The following UTRN variants were observed in gnomAD, a reference collection of about 807,000 sequenced individuals.
UTRN encodes the protein utrophin, also known as dystrophin-related protein 1.
In UTRN, 283 loss-of-function variants were observed where a neutral mutation model predicts 463.9. The observed-to-expected ratio is 0.61, with a 90% CI of 0.55 to 0.67. UTRN has a LOEUF of 0.67. UTRN is among the 30% of genes least tolerant of loss of function. The pLI, the probability that UTRN is intolerant of heterozygous loss-of-function variation, is 0.00. For synonymous variants in UTRN, 1,442 were observed against 1,431.5 expected, an observed-to-expected ratio of 1.01 and a Z score of -0.17; for missense variants, 3,922 against 4,084.3, an observed-to-expected ratio of 0.96 and a Z score of 1.08.
At chr6:144,385,704 CTATTTT>C (rs1172357333) in intron 2 of UTRN, among the ~76,000 whole-genome samples, 1 of 141,238 alleles carries the variant, frequency 7.1e-6, no homozygotes, top group African/African-American at 3.1e-5. Flanking sequence ...TGCCAGAACT[CTATTTT>C]TTTTTTTTTT....
chr6:144,803,137 A>ATT lies in UTRN; in HGVS notation c.9348_9349dup (p.Cys3117PhefsTer48). 1 of 1,579,300 alleles carries ATT rather than the reference A, an allele frequency of 6.3e-7. No homozygotes were observed. Among genetic ancestry groups the ATT allele is most frequent in the Non-Finnish European group, 8.6e-7 (1 of 1,163,892 alleles). ...AAATTACATTACCCAATGGTGGAAT[A>ATT]TTGTATACCTGTGAGTACTAACCCA... On this transcript the variant is annotated frameshift_variant, in exon 65 of 75. Transcript: ENST00000367545. LOFTEE classifies it high-confidence loss of function.
chr6:144,792,253 A>G (rs928415915), intron 62 of UTRN, among the ~76,000 whole-genome samples: 3 of 152,178 alleles, frequency 2.0e-5, no homozygotes, highest in African/African-American at 7.2e-5. Flanking sequence ...TCCTTATAAA[A>G]AGAGAGAATG....
At position 144,286,064 on chromosome 6, in the gene UTRN, C is replaced by T. The variant is rs1053156898; in HGVS notation, c.-93+243C>T. 1.3e-5 allele frequency among the ~76,000 whole-genome samples: 2 copies of T among 150,344 alleles called. No individual in the cohort carries two copies. The highest frequency in any genetic ancestry group is 1.5e-5 in the Non-Finnish European group (1 of 67,366). On this transcript the variant is annotated intron_variant, in intron 1 of 74. Transcript: ENST00000367545. This position sits in a 1 kb window ranked among gnomAD's most constrained non-coding sequence, Gnocchi z 4.4. ...ATGCCGGAGGCGTGGAGAGCTCGGG[C>T]GTGGAGGTCCTTGGGATCCGTACTA...
intron 58 of UTRN, among the ~76,000 whole-genome samples, chr6:144,766,137 A>C (rs1451676323): frequency 6.6e-6 from 1 of 151,694 alleles, no homozygotes; most frequent in Non-Finnish European, 1.5e-5. Flanking sequence ...ACCCACACCC[A>C]CACACACACA....
chr6:144,850,254 T>C (rs1159545041), intron 74 of UTRN, among the ~76,000 whole-genome samples: 1 of 152,158 alleles, frequency 6.6e-6, no homozygotes, highest in African/African-American at 2.4e-5. Flanking sequence ...GTGGCTTCAT[T>C]AGGAACATGC....
chr6:144,708,218 G>A (rs1211587357), intron 53 of UTRN: 10 of 606,310 alleles, frequency 1.6e-5, no homozygotes, highest in Middle Eastern at 3.7e-4. Flanking sequence ...AGAGAATCTT[G>A]TAAATTTGTA....
intron 57 of UTRN, among the ~76,000 whole-genome samples, chr6:144,756,332 A>C (rs1204899749): frequency 6.6e-6 from 1 of 152,170 alleles, no homozygotes; most frequent in Non-Finnish European, 1.5e-5. Flanking sequence ...TCACTCTCAT[A>C]GTGGAAATCA....
In UTRN at chr6:144,548,624, A is replaced by G. The variant is rs757056154; in HGVS notation, c.6596-16A>G. 1.2e-5 allele frequency: 20 copies of G among 1,607,258 alleles called. No homozygotes were observed. The highest frequency in any genetic ancestry group is 1.7e-5 in the Non-Finnish European group (20 of 1,175,300). ...CCTGTTGATTAATTTCTCTTTTGCT[A>G]CATTTTTCATTTCAGCTCATCCTAA... is the stretch of plus-strand genomic sequence containing the variant. On this transcript the variant is annotated splice_polypyrimidine_tract_variant and intron_variant, in intron 46 of 74. Coordinates refer to ENST00000367545, the MANE Select transcript of UTRN (RefSeq NM_007124.3).
chr6:144,382,173 A>G (rs1161922685), intron 2 of UTRN, among the ~76,000 whole-genome samples: 3 of 152,218 alleles, frequency 2.0e-5, no homozygotes, highest in Non-Finnish European at 2.9e-5. Flanking sequence ...AATTTCACAT[A>G]AGCTACAGCG....
intron 48 of UTRN, 39 bp from the exon 49 acceptor site, chr6:144,554,649 A>G (rs182135087): frequency 0.013 from 20,218 of 1,601,598 alleles, 214 homozygotes; most frequent in Middle Eastern, 0.027. Flanking sequence ...TGAGGGTTAC[A>G]TGTTGGGATT....
chr6:144,731,279 C>T (rs926341003), intron 54 of UTRN, among the ~76,000 whole-genome samples: 3 of 152,062 alleles, frequency 2.0e-5, no homozygotes, highest in African/African-American at 7.2e-5. Flanking sequence ...AGCAATATAT[C>T]ACATAGTAAA....
chr6:144,693,626 C>T (rs1783664680), intron 52 of UTRN, among the ~76,000 whole-genome samples: 1 of 152,014 alleles, frequency 6.6e-6, no homozygotes, highest in African/African-American at 2.4e-5. Flanking sequence ...TAGCTATACT[C>T]GTAAGTAATT....
At chr6:144,780,522 T>A (rs1327135771) in intron 60 of UTRN, among the ~76,000 whole-genome samples, 3 of 152,204 alleles carry the variant, frequency 2.0e-5, no homozygotes, top group Admixed American at 2.0e-4. Context: ...TTTTCCTTAC[T>A]CAGATGTTTA....
chr6:144,443,926 C>T (rs2114909643), intron 13 of UTRN, among the ~76,000 whole-genome samples: 1 of 151,844 alleles, frequency 6.6e-6, no homozygotes, highest in East Asian at 1.9e-4. Context: ...AAATTTGAAG[C>T]ACAAAAAGTA....
In UTRN at chr6:144,461,260, A is replaced by G. The variant is rs887710347; in HGVS notation, c.2771A>G (p.Asn924Ser). Reference sequence around the variant, plus strand: ...TTGAAAACACTGAAAGATGTGCTAAATGATTCAGAAAATAAGGCCCAGGTG... The same window carrying G: ...TTGAAAACACTGAAAGATGTGCTAAGTGATTCAGAAAATAAGGCCCAGGTG... ...ETLKTLKDVLNDSENKAQVSL... is the reference protein window; with the variant it reads ...ETLKTLKDVLSDSENKAQVSL... Residue 924 changes from asparagine to serine, a missense_variant, in exon 22 of 75, where the codon AAT (asparagine) becomes AGT (serine). Physicochemically the swap from Asn to Ser is conservative, Grantham distance 46. This residue lies in a region of UTRN where 2,349 missense variants were observed against 2,303.8 expected (regional missense o/e 1.02). Transcript: ENST00000367545. 4.3e-6 allele frequency: 7 copies of G among 1,611,200 alleles called. No homozygotes were observed. Among genetic ancestry groups the G allele is most frequent in the Admixed American group, 1.7e-5 (1 of 59,920 alleles).
chr6:144,782,371 T>C (rs1775908993), intron 61 of UTRN, among the ~76,000 whole-genome samples: 1 of 152,140 alleles, frequency 6.6e-6, no homozygotes, highest in African/African-American at 2.4e-5. Flanking sequence ...CTGTCAAATT[T>C]ATAGTATTCT....
intron 2 of UTRN, among the ~76,000 whole-genome samples, chr6:144,370,722 C>T (rs1401974696): frequency 6.6e-6 from 1 of 152,176 alleles, no homozygotes; most frequent in Non-Finnish European, 1.5e-5. Flanking sequence ...TGAAAGCAGC[C>T]AGGAGGGTCT....
At position 144,781,941 on chromosome 6, in the gene UTRN, T is replaced by G; in HGVS notation, c.8652T>G (p.Ser2884Arg). The change falls in exon 61 of 75, where the codon AGT becomes AGG. Residue 2884 changes from serine to arginine, a missense_variant. Transcript: ENST00000367545. ...GGTTAGTGGATCTCTTAGAGTTGAG[T>G]ACAACAAATGAAATTTTCAAACAGC... ...KALCLDLLELSTTNEIFKQHK... is the reference protein window; with the variant it reads ...KALCLDLLELRTTNEIFKQHK... 1 of 1,613,936 alleles carries G rather than the reference T, an allele frequency of 6.2e-7. No homozygotes were observed. Among genetic ancestry groups the G allele is most frequent in the Non-Finnish European group, 8.5e-7 (1 of 1,179,922 alleles).
At position 144,523,126 on chromosome 6, in the gene UTRN, T is replaced by C. The variant is rs1222970719; in HGVS notation, c.5844T>C (p.Asp1948=). The C allele has an allele frequency of 2.5e-6, 4 of 1,613,494 alleles. No individual in the cohort carries two copies. The highest frequency in any genetic ancestry group is 4.5e-5 in the East Asian group (2 of 44,832). Residue 1948 remains aspartate, a synonymous_variant, in exon 41 of 75, where the codon GAT becomes GAC. Coordinates refer to ENST00000367545, the MANE Select transcript of UTRN (RefSeq NM_007124.3). ...GACCTGAAGCCATTCAGATCAGAGA[T>C]ACACTTACTCAGCTGAATGCAAAAT... The part of the protein sequence containing the change: ...ASGPEAIQIR[D]TLTQLNAKWD...
Sources: allele counts gnomAD v4.1 joint callset (sites outside exome capture counted in the v4.1 genomes callset), GRCh38; gene constraint gnomAD v4.1.1; regional missense constraint gnomAD v4.1.1; non-coding constraint Gnocchi (gnomAD v3.1); transcripts MANE v1.5; gene names NCBI Gene and HGNC (gene_info 2026-07-23, HGNC 2026-07-21).